RAD51B: variants seen among roughly 807,000 people sequenced by gnomAD.
RAD51B encodes the protein DNA repair protein RAD51 homolog 2.
A neutral mutation model predicts 42.2 loss-of-function variants in RAD51B; 38 were observed. The ratio of observed to expected loss-of-function variants is 0.90; its 90% confidence interval spans 0.70 to 1.18. The LOEUF (loss-of-function observed/expected upper bound fraction) is 1.18, where lower values mean the gene tolerates loss of function less well. RAD51B is among the 50% of genes most tolerant of loss of function. The pLI is 0.00. For synonymous variants in RAD51B, 154 were observed against 145.2 expected (o/e 1.06, Z -0.43); for missense variants, 373 against 400.7 (o/e 0.93, Z 0.59).
intron 8 of RAD51B, among the ~76,000 whole-genome samples, chr14:68,369,282 C>A (rs57193434): frequency 0.052 from 7,880 of 152,288 alleles, 678 homozygotes; most frequent in African/African-American, 0.18. Context: ...TTTAGAAACC[C>A]ATTTAGGAAA....
intron 9 of RAD51B, among the ~76,000 whole-genome samples, chr14:68,414,827 G>A (rs536719064): frequency 7.4e-6 from 1 of 135,092 alleles, no homozygotes; most frequent in African/African-American, 2.8e-5. Context: ...TTCGAGACCA[G>A]CCTGACCAAC....
At chr14:68,410,102 A>G (rs1265887978) in intron 8 of RAD51B, among the ~76,000 whole-genome samples, 2 of 152,128 alleles carry the variant, frequency 1.3e-5, no homozygotes, top group Non-Finnish European at 2.9e-5. Flanking sequence ...TTGTTGTAGG[A>G]TGCTGTCCTA....
At chr14:67,834,820 C>T (rs944400311) in intron 3 of RAD51B, among the ~76,000 whole-genome samples, 1 of 151,902 alleles carries the variant, frequency 6.6e-6, no homozygotes, top group Non-Finnish European at 1.5e-5. Context: ...TTGTAATTGC[C>T]TGGTTTCTAG....
chr14:68,655,147 G>GTGTGTGTGTGTGTGTGTGTGTGTGTC (rs1892785628), intron 11 of RAD51B, among the ~76,000 whole-genome samples: 2 of 152,004 alleles, frequency 1.3e-5, no homozygotes, highest in Non-Finnish European at 2.9e-5. Context: ...GTGTGTGTGT[G>GTGTGTGTGTGTGTGTGTGTGTGTGTC]TGTGTATGTG....
chr14:67,962,183 C>T (rs1449718348), intron 7 of RAD51B, among the ~76,000 whole-genome samples: 2 of 152,098 alleles, frequency 1.3e-5, no homozygotes, highest in East Asian at 3.8e-4. Flanking sequence ...AGGAGTAAGA[C>T]ACAAAGATGA....
chr14:68,583,281 G>T (rs1033127287), intron 10 of RAD51B, among the ~76,000 whole-genome samples: 9 of 152,166 alleles, frequency 5.9e-5, no homozygotes, highest in Non-Finnish European at 1.3e-4. Context: ...GACCTGCCAG[G>T]AGGGGGTGAC....
chr14:68,315,739 G>A (rs972250332), intron 8 of RAD51B, among the ~76,000 whole-genome samples: 1 of 152,128 alleles, frequency 6.6e-6, no homozygotes, highest in Non-Finnish European at 1.5e-5. Context: ...AGCCAGGATA[G>A]TCTCCATCTC....
intron 9 of RAD51B, among the ~76,000 whole-genome samples, chr14:68,448,746 C>A (rs904987643): frequency 6.6e-6 from 1 of 152,012 alleles, no homozygotes; most frequent in Non-Finnish European, 1.5e-5. Context: ...CTGGTGACAC[C>A]GAATTGCATA....
At chr14:68,111,011 AATTT>A (rs2077451346) in intron 7 of RAD51B, among the ~76,000 whole-genome samples, 1 of 152,056 alleles carries the variant, frequency 6.6e-6, no homozygotes, top group Non-Finnish European at 1.5e-5. Flanking sequence ...GTCTGGACCA[AATTT>A]ATTTAGTGAG....
At chr14:68,278,370 T>G (rs2081262767) in intron 7 of RAD51B, among the ~76,000 whole-genome samples, 1 of 152,184 alleles carries the variant, frequency 6.6e-6, no homozygotes, top group South Asian at 2.1e-4. Flanking sequence ...GCCAGGCAAG[T>G]CACTTAATAT....
At chr14:68,312,298 G>A (rs937235267) in intron 8 of RAD51B, among the ~76,000 whole-genome samples, 2 of 152,242 alleles carry the variant, frequency 1.3e-5, no homozygotes, top group Non-Finnish European at 2.9e-5. Flanking sequence ...ATCCATGCAT[G>A]TTCGGAGCAG....
intron 10 of RAD51B, among the ~76,000 whole-genome samples, chr14:68,644,025 G>A (rs910312676): frequency 1.3e-5 from 2 of 152,120 alleles, no homozygotes; most frequent in Non-Finnish European, 2.9e-5. Context: ...CCTGCTTCAT[G>A]CTCCCCACTT....
At chr14:68,488,358 A>G (rs193049891) in intron 10 of RAD51B, among the ~76,000 whole-genome samples, 1 of 152,280 alleles carries the variant, frequency 6.6e-6, no homozygotes, top group East Asian at 1.9e-4. Context: ...AAGGGGCACC[A>G]GTTACTGACA....
At chr14:68,552,342 G>A (rs1888618552) in intron 10 of RAD51B, among the ~76,000 whole-genome samples, 2 of 152,158 alleles carry the variant, frequency 1.3e-5, no homozygotes, top group South Asian at 4.1e-4. Context: ...ATATATTGCA[G>A]GGTGTGTAGC....
intron 10 of RAD51B, among the ~76,000 whole-genome samples, chr14:68,560,511 G>A (rs899449670): frequency 3.0e-4 from 46 of 152,198 alleles, no homozygotes; most frequent in Non-Finnish European, 5.4e-4. Flanking sequence ...TGAGGTGGGC[G>A]GATCACCTGA....
At chr14:68,340,018 G>C (rs2082539558) in intron 8 of RAD51B, among the ~76,000 whole-genome samples, 1 of 152,192 alleles carries the variant, frequency 6.6e-6, no homozygotes. Context: ...GTTAAAAAAA[G>C]AAGAAATGTT....
At chr14:68,635,039 A>T (rs1434411322) in intron 10 of RAD51B, among the ~76,000 whole-genome samples, 1 of 152,180 alleles carries the variant, frequency 6.6e-6, no homozygotes, top group South Asian at 2.1e-4. Flanking sequence ...TGACAGGGCC[A>T]TATGGTTTCC....
intron 7 of RAD51B, among the ~76,000 whole-genome samples, chr14:68,021,206 C>G (rs2075858834): frequency 6.6e-6 from 1 of 152,050 alleles, no homozygotes; most frequent in Non-Finnish European, 1.5e-5. Flanking sequence ...AAGAATGTCC[C>G]AACTAAGTTA....
At chr14:68,201,102 AT>A (rs951728721) in intron 7 of RAD51B, among the ~76,000 whole-genome samples, 1 of 152,136 alleles carries the variant, frequency 6.6e-6, no homozygotes, top group African/African-American at 2.4e-5. Flanking sequence ...TTCCTCATGA[AT>A]TTTTTAAAAA....
Sources: gnomAD v4.1 joint callset for allele counts (sites outside exome capture counted in the v4.1 genomes callset) on GRCh38, gnomAD v4.1.1 for gene constraint, MANE v1.5 for transcripts, NCBI Gene and HGNC (gene_info 2026-07-23, HGNC 2026-07-21) for gene names.